The following MAP4K3 variants were observed in gnomAD, a reference collection of about 807,000 sequenced individuals.
MAP4K3 encodes MAPK/ERK kinase kinase kinase 3.
MAP4K3 carries 94 observed loss-of-function variants against 143.5 expected under a neutral mutation model. The observed-to-expected ratio is 0.65, with a 90% CI of 0.55 to 0.78. The LOEUF (loss-of-function observed/expected upper bound fraction) is 0.78, where lower values mean the gene tolerates loss of function less well. Among genes scored for constraint, MAP4K3 ranks in the 30% least tolerant of loss-of-function variants. MAP4K3 has a pLI of 0.00. For missense variants in MAP4K3, 1,077 were observed against 1,068.1 expected (o/e 1.01, Z -0.12); for synonymous variants, 416 against 347.2 (o/e 1.20, Z -2.20).
At position 39,297,516 on chromosome 2, in the gene MAP4K3, C is replaced by G. The variant is rs1414289116; in HGVS notation, c.1178+2227G>C. On this transcript the variant is annotated intron_variant, in intron 16 of 33. Transcript: ENST00000263881. ...AGAATTCCAAAGAAAAGGAGACAAG[C>G]AAGTATAAGTCAAAGTACATATGCT... 4.6e-5 allele frequency among the ~76,000 whole-genome samples: 7 copies of G among 152,044 alleles called. No homozygotes were observed. In the East Asian group the frequency reaches 1.3e-3, roughly 29 times the overall value.
chr2:39,391,221 T>G (rs1039241646), intron 1 of MAP4K3, among the ~76,000 whole-genome samples: 1 of 150,096 alleles, frequency 6.7e-6, no homozygotes, highest in Non-Finnish European at 1.5e-5. Flanking sequence ...TAGCCGGGCG[T>G]GGTGGCGGGT....
intron 15 of MAP4K3, among the ~76,000 whole-genome samples, chr2:39,301,659 G>C (rs904943553): frequency 5.9e-5 from 9 of 152,008 alleles, no homozygotes; most frequent in Admixed American, 2.6e-4. Flanking sequence ...TCTGATATAA[G>C]ACAAGTAAAA....
At chr2:39,302,151 C>T (rs868132840) in intron 15 of MAP4K3, among the ~76,000 whole-genome samples, 7 of 152,050 alleles carry the variant, frequency 4.6e-5, no homozygotes, top group African/African-American at 1.4e-4. Flanking sequence ...TGAGCATAGG[C>T]TCATATAGAG....
rs148888525 is a variant in MAP4K3, at chr2:39,278,410, T to C, written c.1791A>G (p.Glu597=). ...AAGAATATACAAAATAACATACCTGTTCCATTGATGTTTCATGAAGTTCAT... is the reference window on the plus strand; with the variant it reads ...AAGAATATACAAAATAACATACCTGCTCCATTGATGTTTCATGAAGTTCAT... ...NLNELHETSM[E]QLFPRRCTWL... The change falls in exon 24 of 34, where the codon GAA becomes GAG. Residue 597 remains glutamate (E), a synonymous_variant. Transcript: ENST00000263881. 6.1e-5 allele frequency: 95 copies of C among 1,563,988 alleles called. 1 individual carries two copies. The South Asian group carries it at 6.5e-4, about 11-fold the overall frequency.
intron 32 of MAP4K3, among the ~76,000 whole-genome samples, chr2:39,253,710 CAAAT>C (rs1354904244): frequency 6.6e-6 from 1 of 152,138 alleles, no homozygotes; most frequent in Non-Finnish European, 1.5e-5. Context: ...GTTTAAGAAA[CAAAT>C]AAGCTTCCTT....
intron 14 of MAP4K3, among the ~76,000 whole-genome samples, chr2:39,309,129 T>C (rs1011487257): frequency 1.3e-5 from 2 of 152,114 alleles, no homozygotes; most frequent in Non-Finnish European, 2.9e-5. Flanking sequence ...AAAAATTTTA[T>C]TTTATGTTTT....
intron 1 of MAP4K3, among the ~76,000 whole-genome samples, chr2:39,384,750 T>G (rs1217572976): frequency 6.6e-6 from 1 of 152,204 alleles, no homozygotes; most frequent in Admixed American, 6.5e-5. Context: ...ATATTTAAAA[T>G]TTGGAGTTTT....
intron 1 of MAP4K3, among the ~76,000 whole-genome samples, chr2:39,410,556 T>C (rs1667207935): frequency 6.6e-6 from 1 of 152,150 alleles, no homozygotes; most frequent in Non-Finnish European, 1.5e-5. Flanking sequence ...TATTACATGA[T>C]TTTGGAACAC....
intron 24 of MAP4K3, among the ~76,000 whole-genome samples, chr2:39,276,468 AGAATATGGTGAAGTAGTTAAGCACATG>A (rs2148460035): frequency 6.6e-6 from 1 of 152,294 alleles, no homozygotes; most frequent in South Asian, 2.1e-4. Flanking sequence ...ATCGGTAGAG[AGAATATGGTGAAGTAGTTAAGCACATG>A]GAATCTGGAG....
At chr2:39,277,906 G>C (rs1329477600) in intron 24 of MAP4K3, among the ~76,000 whole-genome samples, 2 of 151,870 alleles carry the variant, frequency 1.3e-5, no homozygotes, top group African/African-American at 2.4e-5. Flanking sequence ...GGGTGGGGTG[G>C]CTCATATCTA....
chr2:39,350,900 G>A (rs1233594853), intron 3 of MAP4K3, among the ~76,000 whole-genome samples: 2 of 152,060 alleles, frequency 1.3e-5, no homozygotes, highest in East Asian at 1.9e-4. Flanking sequence ...AGCACCTGTG[G>A]GGTTCAACCA....
intron 1 of MAP4K3, among the ~76,000 whole-genome samples, chr2:39,416,004 T>TATATATAG: frequency 1.3e-5 from 1 of 76,082 alleles, no homozygotes; most frequent in Middle Eastern, 7.2e-3. Flanking sequence ...TATATATATA[T>TATATATAG]AAAAATAACA....
intron 1 of MAP4K3, among the ~76,000 whole-genome samples, chr2:39,394,453 A>G (rs1234057485): frequency 6.6e-6 from 1 of 152,232 alleles, no homozygotes; most frequent in Admixed American, 6.5e-5. Context: ...TCCAGAACAA[A>G]AACTCACAAG....
chr2:39,424,830 CAAAAAAAAAA>C lies in MAP4K3; in HGVS notation c.96+12052_96+12061del, dbSNP rs58960920. 3.5e-3 allele frequency among the ~76,000 whole-genome samples: 238 copies of C among 68,190 alleles called. 4 individuals carry two copies. In the East Asian group the frequency reaches 0.05, roughly 14 times the overall value. The allele number at this position is 68,190 out of a possible 152,430, so 44.7% of individuals were successfully genotyped here. On this transcript the variant is annotated intron_variant, in intron 1 of 33. Coordinates refer to ENST00000263881, the MANE Select transcript of MAP4K3 (RefSeq NM_003618.4). ...TGGGTGACAGAGTTATAACCTGACT[CAAAAAAAAAA>C]AAAAAAAAAAAAAAGTTACCTACAA...
intron 15 of MAP4K3, among the ~76,000 whole-genome samples, chr2:39,303,780 A>C (rs1419374172): frequency 6.6e-6 from 1 of 152,016 alleles, no homozygotes; most frequent in Admixed American, 6.6e-5. Context: ...CAAGTGATCC[A>C]CCCGCCTTGG....
At chr2:39,296,632 C>A (rs1682294253) in intron 16 of MAP4K3, among the ~76,000 whole-genome samples, 1 of 152,170 alleles carries the variant, frequency 6.6e-6, no homozygotes, top group Admixed American at 6.5e-5. Context: ...TTATTAACAT[C>A]TTTAAAAATT....
intron 1 of MAP4K3, among the ~76,000 whole-genome samples, chr2:39,410,722 T>C (rs1193092799): frequency 6.6e-6 from 1 of 152,206 alleles, no homozygotes; most frequent in African/African-American, 2.4e-5. Context: ...GATAACAACA[T>C]TTCCAAGTTT....
At chr2:39,344,469 A>G (rs933605989) in intron 3 of MAP4K3, among the ~76,000 whole-genome samples, 1 of 152,264 alleles carries the variant, frequency 6.6e-6, no homozygotes, top group African/African-American at 2.4e-5. Flanking sequence ...TTTAGTGCCA[A>G]TAAATAGTTT....
intron 20 of MAP4K3, among the ~76,000 whole-genome samples, chr2:39,287,567 T>G (rs1681850668): frequency 6.6e-6 from 1 of 152,180 alleles, no homozygotes; most frequent in Non-Finnish European, 1.5e-5. Context: ...CCTCCCAAAG[T>G]GCTGGGATTA....
Sources: gnomAD v4.1 joint callset for allele counts (sites outside exome capture counted in the v4.1 genomes callset) on GRCh38, gnomAD v4.1.1 for gene constraint, MANE v1.5 for transcripts, NCBI Gene and HGNC (gene_info 2026-07-23, HGNC 2026-07-21) for gene names.